PCDHGB1: variants seen among roughly 807,000 people sequenced by gnomAD.
PCDHGB1 encodes protocadherin gamma subfamily B, 1, also known as protocadherin gamma-B1.
PCDHGB1 carries 34 observed loss-of-function variants against 56.6 expected under a neutral mutation model. The ratio of observed to expected loss-of-function variants is 0.60; its 90% CI spans 0.46 to 0.80. The LOEUF (loss-of-function observed/expected upper bound fraction) is 0.80. Among genes scored for constraint, PCDHGB1 ranks in the 30% least tolerant of loss-of-function variants. The probability of loss-of-function intolerance (pLI) is 0.00; values close to 1 mark genes in which losing one functional copy is unlikely to be tolerated. For missense variants in PCDHGB1, 1,278 were observed against 1,204.6 expected, an observed-to-expected ratio of 1.06 and a Z score of -0.90; for synonymous variants, 561 against 505.9, an observed-to-expected ratio of 1.11 and a Z score of -1.46.
intron 1 of PCDHGB1, chr5:141,384,001 C>G (rs1561599904): frequency 6.2e-7 from 1 of 1,613,828 alleles, no homozygotes. Context: ...AGTCATTGCT[C>G]TTTTCTACCT....
At position 141,432,759 on chromosome 5, in the gene PCDHGB1, G is replaced by T. The variant is rs768949018; in HGVS notation, c.2410-62048G>T. On this transcript the variant is annotated intron_variant, in intron 1 of 3. Transcript: ENST00000523390. The surrounding 1 kb of genome is among the most constrained non-coding windows in gnomAD (Gnocchi z 6.0). ...ACGCTCACCGTGGCCGTGGCCGACA[G>T]CATCCCCCAAGTCCTGGCGGACCTC... is the stretch of plus-strand genomic sequence containing the variant. The T allele has an allele frequency of 6.2e-6, 10 of 1,614,032 alleles. No homozygotes were observed. The highest frequency in any genetic ancestry group is 7.6e-6 in the Non-Finnish European group (9 of 1,180,014).
intron 1 of PCDHGB1, among the ~76,000 whole-genome samples, chr5:141,448,842 G>A (rs943887884): frequency 6.6e-6 from 1 of 152,182 alleles, no homozygotes; most frequent in Non-Finnish European, 1.5e-5. Context: ...CTACTCTGGA[G>A]GCTGAGGCAG....
In PCDHGB1 at chr5:141,398,596, G is replaced by A. The variant is rs201846904; in HGVS notation, c.2409+45927G>A. 1,173 of 1,614,034 alleles carry A rather than the reference G, an allele frequency of 7.3e-4. 1 individual carries two copies. Among genetic ancestry groups the A allele is most frequent in the Non-Finnish European group, 9.3e-4 (1,101 of 1,179,898 alleles). ...TGGCACAAGATTTATACTAGAAGTA[G>A]CAGAAGATGCAGATATTGGCTTAAA... is the stretch of plus-strand genomic sequence containing the variant. On this transcript the variant is annotated intron_variant, in intron 1 of 3. Transcript: ENST00000523390.
Position 141,485,168 on chromosome 5 carries a change from G to A in PCDHGB1, c.2410-9639G>A. The A allele has an allele frequency of 6.2e-7, 1 of 1,608,668 alleles. No individual in the cohort carries two copies. Among genetic ancestry groups the A allele is most frequent in the Non-Finnish European group, 8.5e-7 (1 of 1,175,736 alleles). ...GGAGCAAGTAGAGAATTAGCGGGCG[G>A]CAGCAATGCTCCGCAAGGTGAGAAG... is the stretch of plus-strand genomic sequence containing the variant. On this transcript the variant is annotated intron_variant, in intron 1 of 3. Coordinates refer to ENST00000523390, the MANE Select transcript of PCDHGB1 (RefSeq NM_018922.3). This position sits in a 1 kb window ranked among gnomAD's most constrained non-coding sequence, Gnocchi z 5.7.
intron 1 of PCDHGB1, chr5:141,478,693 G>A: frequency 6.4e-7 from 1 of 1,550,764 alleles, no homozygotes; most frequent in Non-Finnish European, 8.7e-7. Context: ...CTAGATCAAA[G>A]TTAGTGCCTT....
chr5:141,487,304 C>T lies in PCDHGB1; in HGVS notation c.2410-7503C>T. The T allele has an allele frequency of 6.2e-7, 1 of 1,614,190 alleles. No homozygotes were observed. The highest frequency in any genetic ancestry group is 8.5e-7 in the Non-Finnish European group (1 of 1,180,042). On this transcript the variant is annotated intron_variant, in intron 1 of 3. Transcript: ENST00000523390. This position sits in a 1 kb window ranked among gnomAD's most constrained non-coding sequence, Gnocchi z 5.0. ...TGTCTCCTTTGGCTCATTCGTGGCA[C>T]TACTCTCTAAGTGTCTTCGTGGGGC...
intron 3 of PCDHGB1, chr5:141,506,988 A>G (rs1364718512): frequency 1.3e-5 from 2 of 152,192 alleles, no homozygotes; most frequent in Non-Finnish European, 2.9e-5. Context: ...CTGATTTCTC[A>G]CACTCGACAG....
At position 141,473,311 on chromosome 5, in the gene PCDHGB1, A is replaced by G. The variant is rs139053997; in HGVS notation, c.2410-21496A>G. On this transcript the variant is annotated intron_variant, in intron 1 of 3. Coordinates refer to ENST00000523390, the MANE Select transcript of PCDHGB1 (RefSeq NM_018922.3). ...TCAGTAGCATAAAGATTGCTATATTAATAAGCATTAAGTGCCTGCTGTGCT... is the reference window on the plus strand; with the variant it reads ...TCAGTAGCATAAAGATTGCTATATTGATAAGCATTAAGTGCCTGCTGTGCT... Among the ~76,000 whole-genome samples, 1,321 of 152,342 alleles carry G rather than the reference A, an allele frequency of 8.7e-3. 28 individuals carry two copies. Among genetic ancestry groups the G allele is most frequent in the African/African-American group, 0.03 (1,236 of 41,582 alleles).
intron 1 of PCDHGB1, chr5:141,360,199 T>C (rs377198093): frequency 4.8e-5 from 77 of 1,612,536 alleles, no homozygotes; most frequent in Non-Finnish European, 6.4e-5. Context: ...GCCCTTCCTG[T>C]TGTCTTTGTT....
chr5:141,421,443 GAC>G (rs771422215), intron 1 of PCDHGB1: 47 of 1,613,988 alleles, frequency 2.9e-5, no homozygotes, highest in Non-Finnish European at 3.6e-5. Context: ...CCAGAGGGAA[GAC>G]ACAGCTTTTC....
At chr5:141,363,643 A>G (rs193285139) in intron 1 of PCDHGB1, among the ~76,000 whole-genome samples, 2 of 152,388 alleles carry the variant, frequency 1.3e-5, no homozygotes, top group Non-Finnish European at 2.9e-5. Flanking sequence ...CCTCACAAGT[A>G]ACAAAGATCT....
At position 141,350,678 on chromosome 5, in the gene PCDHGB1, T is replaced by C; in HGVS notation, c.418T>C (p.Cys140Arg). The C allele has an allele frequency of 6.2e-7, 1 of 1,613,918 alleles. No homozygotes were observed. Among genetic ancestry groups the C allele is most frequent in the East Asian group, 2.2e-5 (1 of 44,902 alleles). ...FVAKGIDLEICESALPGVKFS... is the reference protein window; with the variant it reads ...FVAKGIDLEIRESALPGVKFS... ...TGCAAAAGGCATTGACTTAGAAATT[T>C]GTGAGTCAGCCTTACCCGGGGTAAA... is the stretch of plus-strand genomic sequence containing the variant. The change falls in exon 1 of 4, where the codon TGT (cysteine) becomes CGT (arginine). Residue 140 changes from cysteine to arginine, a missense_variant. Transcript: ENST00000523390.
intron 1 of PCDHGB1, among the ~76,000 whole-genome samples, chr5:141,387,115 T>C (rs2090824355): frequency 6.6e-6 from 1 of 152,224 alleles, no homozygotes. Context: ...AATATTCCTG[T>C]AATGAAATCA....
intron 1 of PCDHGB1, chr5:141,484,904 C>A: frequency 2.5e-6 from 1 of 405,682 alleles, no homozygotes; most frequent in Non-Finnish European, 4.4e-6. Context: ...TCCAATGCTG[C>A]GACGCATTAA....
At chr5:141,478,423 C>A (rs1355847104) in intron 1 of PCDHGB1, 1 of 1,613,672 alleles carries the variant, frequency 6.2e-7, no homozygotes, top group Admixed American at 1.7e-5. Context: ...CCCGCCGCAG[C>A]GACCCGCTGC....
intron 1 of PCDHGB1, among the ~76,000 whole-genome samples, chr5:141,425,417 G>A (rs1238708306): frequency 2.0e-5 from 3 of 152,162 alleles, no homozygotes; most frequent in East Asian, 3.9e-4. Context: ...ATAACATATA[G>A]TCCCATTAAA....
chr5:141,442,894 C>T (rs1173211061), intron 1 of PCDHGB1, among the ~76,000 whole-genome samples: 1 of 152,204 alleles, frequency 6.6e-6, no homozygotes, highest in Non-Finnish European at 1.5e-5. Flanking sequence ...CCCTGCTTAT[C>T]ACTTCTCCTT....
chr5:141,350,308 T>C lies in PCDHGB1; in HGVS notation c.48T>C (p.Phe16=), dbSNP rs1398850020. ...AAATGATGAAAAGTCAGGTACTGTTTCCCTTCCTGCTGTCTTTGTTCTGCG... is the reference window on the plus strand; with the variant it reads ...AAATGATGAAAAGTCAGGTACTGTTCCCCTTCCTGCTGTCTTTGTTCTGCG... ...EAEMMKSQVL[F]PFLLSLFCGA... The change falls in exon 1 of 4, where the codon TTT becomes TTC. Residue 16 remains phenylalanine, a synonymous_variant. Coordinates refer to ENST00000523390, the MANE Select transcript of PCDHGB1 (RefSeq NM_018922.3). 1 of 1,522,230 alleles carries C rather than the reference T, an allele frequency of 6.6e-7. No homozygotes were observed. Among genetic ancestry groups the C allele is most frequent in the Admixed American group, 2.2e-5 (1 of 44,988 alleles). 94.3% of individuals were successfully genotyped at this position (1,522,230 alleles called of 1,614,324 possible). A position where few individuals can be genotyped will look rare whatever the true frequency, so the allele number is the denominator to read the frequency against.
At chr5:141,361,528 A>G (rs751857437) in intron 1 of PCDHGB1, 1 of 1,614,024 alleles carries the variant, frequency 6.2e-7, no homozygotes, top group Non-Finnish European at 8.5e-7. Context: ...GGCAGAGAAC[A>G]ATCCTCCTGG....
Sources: gnomAD v4.1 joint callset for allele counts (sites outside exome capture counted in the v4.1 genomes callset) on GRCh38, gnomAD v4.1.1 for gene constraint, Gnocchi (gnomAD v3.1) non-coding constraint, MANE v1.5 for transcripts, NCBI Gene and HGNC (gene_info 2026-07-23, HGNC 2026-07-21) for gene names.